SYT9: variants seen among roughly 807,000 people sequenced by gnomAD.
SYT9 encodes the protein synaptotagmin 9, also known as synaptotagmin-9.
Under a neutral mutation model 48.4 loss-of-function variants are expected in SYT9, and 22 were observed. That is an observed-to-expected ratio of 0.45 (90% CI 0.32 to 0.65). SYT9 has a LOEUF of 0.65. Among genes scored for constraint, SYT9 ranks in the 30% least tolerant of loss-of-function variants. The pLI, the probability that SYT9 is intolerant of heterozygous loss-of-function variation, is 0.03. For synonymous variants in SYT9, 265 were observed against 245.0 expected (o/e 1.08, Z -0.76); for missense variants, 577 against 622.0 (o/e 0.93, Z 0.77).
chr11:7,374,734 G>A (rs1310991707), intron 3 of SYT9, among the ~76,000 whole-genome samples: 2 of 152,158 alleles, frequency 1.3e-5, no homozygotes, highest in African/African-American at 4.8e-5. Context: ...AGAAGTGTCT[G>A]TTCATATCCT....
intron 3 of SYT9, among the ~76,000 whole-genome samples, chr11:7,384,989 C>T (rs543489249): frequency 2.3e-4 from 35 of 152,196 alleles, no homozygotes; most frequent in African/African-American, 8.2e-4. Flanking sequence ...ATTCAAAAGT[C>T]ACTCTCTCAT....
At chr11:7,346,477 A>T (rs988709555) in intron 3 of SYT9, among the ~76,000 whole-genome samples, 2 of 152,184 alleles carry the variant, frequency 1.3e-5, no homozygotes, top group Non-Finnish European at 2.9e-5. Flanking sequence ...GCAAGTGCAA[A>T]TACATTTATG....
intron 6 of SYT9, among the ~76,000 whole-genome samples, chr11:7,452,453 G>GT (rs1223955331): frequency 5.9e-5 from 9 of 152,142 alleles, no homozygotes; most frequent in Non-Finnish European, 1.5e-5. Context: ...TCATCCTCTT[G>GT]TGCAATGTCT....
chr11:7,264,562 A>G (rs531968294), intron 1 of SYT9, among the ~76,000 whole-genome samples: 1 of 152,224 alleles, frequency 6.6e-6, no homozygotes, highest in South Asian at 2.1e-4. Flanking sequence ...AAGACGTGGT[A>G]GGATTAATGG....
At chr11:7,388,535 TTGTTA>T (rs1342798513) in intron 3 of SYT9, among the ~76,000 whole-genome samples, 6 of 152,170 alleles carry the variant, frequency 3.9e-5, no homozygotes, top group African/African-American at 9.6e-5. Flanking sequence ...ACTTAATTTG[TTGTTA>T]TGTTCTAGTT....
rs770010653 is a variant in SYT9, at chr11:7,356,893, A to AT, written c.1044+42953dup. Among the ~76,000 whole-genome samples, 70 of 152,292 alleles carry AT rather than the reference A, an allele frequency of 4.6e-4. 1 individual carries two copies. In the East Asian group the frequency reaches 0.013, roughly 28 times the overall value. On this transcript the variant is annotated intron_variant, in intron 3 of 6. Transcript: ENST00000318881. Reference sequence around the variant, plus strand: ...GCTATGTTCCAGGTTCCCTACCTTCATGGTGTTTCAGCTAGGAGAATGGTG... The same window carrying AT: ...GCTATGTTCCAGGTTCCCTACCTTCATTGGTGTTTCAGCTAGGAGAATGGTG...
chr11:7,351,456 G>A (rs11822975), intron 3 of SYT9, among the ~76,000 whole-genome samples: 43,448 of 151,978 alleles, frequency 0.29, 6,710 homozygotes, highest in Non-Finnish European at 0.35. Context: ...GCTGAGTTAC[G>A]GACTCCTTGT....
At chr11:7,406,728 A>G (rs894950484) in intron 3 of SYT9, among the ~76,000 whole-genome samples, 1 of 151,898 alleles carries the variant, frequency 6.6e-6, no homozygotes, top group Non-Finnish European at 1.5e-5. Flanking sequence ...GCATTGCTGG[A>G]TCATATGGTA....
intron 3 of SYT9, among the ~76,000 whole-genome samples, chr11:7,390,910 A>G (rs574762390): frequency 7.9e-5 from 12 of 152,180 alleles, no homozygotes; most frequent in African/African-American, 2.6e-4. Flanking sequence ...TTGGGCTTCT[A>G]TTGGTCCTGT....
intron 1 of SYT9, among the ~76,000 whole-genome samples, chr11:7,278,259 G>C (rs141517973): frequency 2.5e-3 from 382 of 152,198 alleles, no homozygotes; most frequent in African/African-American, 8.4e-3. Context: ...TAATCCATTA[G>C]CCCATTAATC....
intron 3 of SYT9, among the ~76,000 whole-genome samples, chr11:7,345,794 A>G (rs923257195): frequency 2.0e-5 from 3 of 152,270 alleles, no homozygotes; most frequent in East Asian, 3.8e-4. Context: ...GATGTTGACA[A>G]AGGTCTTTAC....
intron 3 of SYT9, among the ~76,000 whole-genome samples, chr11:7,372,233 T>C (rs1850374810): frequency 6.6e-6 from 1 of 152,188 alleles, no homozygotes; most frequent in Non-Finnish European, 1.5e-5. Context: ...TCTGTATGAC[T>C]AATGATGAGC....
chr11:7,270,236 A>AT lies in SYT9; in HGVS notation c.145+17912dup, dbSNP rs113065573. 6.0e-3 allele frequency among the ~76,000 whole-genome samples: 919 copies of AT among 152,212 alleles called. 13 individuals are homozygous for AT. The highest frequency in any genetic ancestry group is 0.021 in the African/African-American group (877 of 41,536). On this transcript the variant is annotated intron_variant, in intron 1 of 6. Transcript: ENST00000318881. The stretch of plus-strand genomic sequence containing the variant: ...TGTTGACCTTTTAGCAAGAAGGTAC[A>AT]TTTTTTTGTATGGGGCATTATTATT...
Position 7,419,450 on chromosome 11 carries a change from G to C in SYT9, c.1338-1056G>C, listed in dbSNP as rs182675868. Among the ~76,000 whole-genome samples the C allele has an allele frequency of 5.9e-3, 877 of 149,844 alleles. 7 individuals are homozygous for C. Among genetic ancestry groups the C allele is most frequent in the African/African-American group, 0.021 (830 of 40,136 alleles). On this transcript the variant is annotated intron_variant, in intron 5 of 6. Transcript: ENST00000318881. ...GGAGAAAAATCACTCATCTTTGCAG[G>C]AGGGAAAAAAAAAAGAGAAAGTATG...
chr11:7,240,822 C>T (rs550279995), intron 1 of SYT9, among the ~76,000 whole-genome samples: 2 of 152,208 alleles, frequency 1.3e-5, no homozygotes, highest in Non-Finnish European at 2.9e-5. Flanking sequence ...CCAAGTCAGG[C>T]AGCCATCTAC....
intron 2 of SYT9, among the ~76,000 whole-genome samples, chr11:7,310,124 G>A (rs545657038): frequency 8.5e-5 from 13 of 152,200 alleles, no homozygotes; most frequent in African/African-American, 3.1e-4. Flanking sequence ...TTGTTTGCTT[G>A]TTTGGTTTTT....
intron 6 of SYT9, among the ~76,000 whole-genome samples, chr11:7,428,969 A>G (rs1277094146): frequency 6.6e-6 from 1 of 152,206 alleles, no homozygotes; most frequent in Admixed American, 6.5e-5. Context: ...TGAAGACAAT[A>G]GAATAGTACA....
intron 3 of SYT9, among the ~76,000 whole-genome samples, chr11:7,361,734 T>A (rs1850140797): frequency 6.6e-6 from 1 of 152,224 alleles, no homozygotes. Context: ...ATTATTATGT[T>A]GGCTGGAAAT....
intron 3 of SYT9, among the ~76,000 whole-genome samples, chr11:7,338,738 C>A (rs1849668584): frequency 6.6e-6 from 1 of 151,980 alleles, no homozygotes; most frequent in African/African-American, 2.4e-5. Flanking sequence ...GGTTGTTTTG[C>A]ATTTGCTAAG....
Sources: allele counts gnomAD v4.1 joint callset (sites outside exome capture counted in the v4.1 genomes callset), GRCh38; gene constraint gnomAD v4.1.1; transcripts MANE v1.5; gene names NCBI Gene and HGNC (gene_info 2026-07-23, HGNC 2026-07-21).